Variants in CACNA2D4 observed in about 807,000 individuals in gnomAD.
The protein encoded by CACNA2D4 is voltage-dependent calcium channel subunit alpha-2/delta-4.
In CACNA2D4, 157 loss-of-function variants were observed where a neutral mutation model predicts 163.8. The ratio of observed to expected loss-of-function variants is 0.96; its 90% confidence interval spans 0.84 to 1.09. CACNA2D4 has a LOEUF of 1.09. Ranked by LOEUF, CACNA2D4 falls within the 50% of genes least tolerant of loss-of-function variation. CACNA2D4 has a pLI of 0.00. For missense variants in CACNA2D4, 1,410 were observed against 1,479.9 expected (o/e 0.95, Z 0.78); for synonymous variants, 598 against 586.9 (o/e 1.02, Z -0.27).
rs115192664 is a variant in CACNA2D4, at chr12:1,799,642, G to T, written c.2995+33C>A. 6.4e-7 allele frequency: 1 copy of T among 1,560,078 alleles called. No individual in the cohort carries two copies. On this transcript the variant is annotated intron_variant, in intron 34 of 37. Coordinates refer to ENST00000382722, the MANE Select transcript of CACNA2D4 (RefSeq NM_172364.5). This position sits in a 1 kb window ranked among gnomAD's most constrained non-coding sequence, Gnocchi z 4.7. The stretch of plus-strand genomic sequence containing the variant: ...GCTCCTGCTGCGTCCCCAACCCACC[G>T]CCAGCAGGGATGGCCTCAGCTGGGC...
chr12:1,858,463 C>T (rs1284795093), intron 20 of CACNA2D4, 114 bp downstream of exon 20: 9 of 881,490 alleles, frequency 1.0e-5, no homozygotes, highest in Non-Finnish European at 1.5e-5. Flanking sequence ...GCTCTGGAGC[C>T]TGGGAGCTGG....
At chr12:1,807,044 T>A (rs996112099) in intron 29 of CACNA2D4, among the ~76,000 whole-genome samples, 4 of 151,942 alleles carry the variant, frequency 2.6e-5, no homozygotes, top group African/African-American at 9.7e-5. Context: ...TGTAAGCCCC[T>A]CCTCTTGAGT....
rs1437259121 is a variant in CACNA2D4, at chr12:1,792,130, CA to C, written c.*1524del. 2.0e-5 allele frequency: 3 copies of C among 152,232 alleles called. No individual in the cohort carries two copies. The highest frequency in any genetic ancestry group is 4.4e-5 in the Non-Finnish European group (3 of 68,040). 9.4% of individuals were successfully genotyped at this position (152,232 alleles called of 1,614,324 possible). On this transcript the variant is annotated 3_prime_UTR_variant, in exon 38 of 38. Transcript: ENST00000382722. ...TGGGACTAATGATAGTACCCACTTT[CA>C]GGGGGCTGTTGTGAGGATGGAATGA...
intron 6 of CACNA2D4, among the ~76,000 whole-genome samples, chr12:1,900,082 T>C (rs1247242081): frequency 6.6e-6 from 1 of 152,160 alleles, no homozygotes; most frequent in Non-Finnish European, 1.5e-5. Flanking sequence ...ATCAGGGAAA[T>C]GCAATGCTAG....
chr12:1,816,254 A>T (rs1468256846), intron 26 of CACNA2D4, among the ~76,000 whole-genome samples: 3 of 152,238 alleles, frequency 2.0e-5, no homozygotes, highest in Non-Finnish European at 4.4e-5. Context: ...CTTTCGGTGA[A>T]GAGAAATTCA....
intron 23 of CACNA2D4, among the ~76,000 whole-genome samples, chr12:1,847,869 T>TA (rs35037693): frequency 0.89 from 134,998 of 152,160 alleles, 59,981 homozygotes; most frequent in East Asian, 1. Context: ...AAATAACATT[T>TA]AAAAAAACTT....
chr12:1,906,656 A>G lies in CACNA2D4; in HGVS notation c.781+784T>C, dbSNP rs780493631. ...GGGCACGTGAACTGCTGCATGGAAG[A>G]AGGATAAACCTATTCATTGAAGCTC... On this transcript the variant is annotated intron_variant, in intron 6 of 37. Transcript: ENST00000382722. 9.1e-4 allele frequency among the ~76,000 whole-genome samples: 138 copies of G among 152,348 alleles called. 3 individuals are homozygous for G. In the Middle Eastern group the frequency reaches 0.051, roughly 56 times the overall value.
chr12:1,896,606 A>AACAC (rs61535168), intron 6 of CACNA2D4, among the ~76,000 whole-genome samples: 3,285 of 130,622 alleles, frequency 0.025, 60 homozygotes, highest in Middle Eastern at 0.049. Context: ...GCTATTAATA[A>AACAC]ACACACACAC....
rs77175207 is a variant in CACNA2D4, at chr12:1,856,055, C to G, written c.2109G>C (p.Glu703Asp). ...DPDHRKLSQLEAMIRFLTRKD... is the reference protein window; with the variant it reads ...DPDHRKLSQLDAMIRFLTRKD... ...TCCTGGTGAGGAAGCGGATCATGGC[C>G]TCTAGCTGGCTGAGCTTCCGGTGGT... Residue 703 changes from glutamate to aspartate, a missense_variant, in exon 22 of 38, where the codon GAG (glutamate) becomes GAC (aspartate). By Grantham distance (45) the Glu-to-Asp change is conservative. Coordinates refer to ENST00000382722, the MANE Select transcript of CACNA2D4 (RefSeq NM_172364.5). 1.3e-3 allele frequency: 2,032 copies of G among 1,614,034 alleles called. 16 individuals are homozygous for G. The African/African-American group carries it at 0.024, about 19-fold the overall frequency.
In CACNA2D4 at chr12:1,874,634, C is replaced by T. The variant is rs370532354; in HGVS notation, c.1848G>A (p.Ser616=). The change falls in exon 18 of 38, where the codon TCG becomes TCA. Residue 616 remains serine, a synonymous_variant. Coordinates refer to ENST00000382722, the MANE Select transcript of CACNA2D4 (RefSeq NM_172364.5). The surrounding 1 kb of genome is among the most constrained non-coding windows in gnomAD (Gnocchi z 4.4). ...AMINRETGTL[S]MDVKVPMDKG... ...TATCCATCGGAACCTTCACATCCAT[C>T]GAGAGAGTACCTGTTTCCCTATTGA... 1.5e-5 allele frequency: 24 copies of T among 1,613,182 alleles called. No homozygotes were observed. The highest frequency in any genetic ancestry group is 1.6e-4 in the Middle Eastern group (1 of 6,084).
intron 35 of CACNA2D4, among the ~76,000 whole-genome samples, chr12:1,796,116 C>T (rs1375932255): frequency 6.6e-6 from 1 of 152,228 alleles, no homozygotes; most frequent in East Asian, 1.9e-4. Context: ...AATGGGCGGG[C>T]GAGGCAACAC....
intron 29 of CACNA2D4, 57 bp from the exon 30 acceptor site, chr12:1,801,701 C>T (rs967603664): frequency 1.2e-5 from 15 of 1,212,720 alleles, no homozygotes; most frequent in African/African-American, 9.1e-5. Context: ...CAGGATGGAG[C>T]CTTCCGAGTC....
chr12:1,912,237 C>T (rs935697986), intron 3 of CACNA2D4, among the ~76,000 whole-genome samples: 6 of 152,212 alleles, frequency 3.9e-5, no homozygotes, highest in East Asian at 1.9e-4. Context: ...GCTGGTCTTA[C>T]GAGTCCTTTC....
At chr12:1,912,896 G>T (rs1230013220) in intron 3 of CACNA2D4, 127 bp downstream of exon 3, 1 of 633,838 alleles carries the variant, frequency 1.6e-6, no homozygotes, top group East Asian at 2.7e-5. Context: ...GTACAAGGCG[G>T]AATCTTGTAA....
chr12:1,881,877 G>C (rs1375189791), intron 13 of CACNA2D4, among the ~76,000 whole-genome samples: 1 of 152,258 alleles, frequency 6.6e-6, no homozygotes, highest in African/African-American at 2.4e-5. Flanking sequence ...CTATTAACAG[G>C]TGGAGGTAAG....
rs1299612269 is a variant in CACNA2D4 at position 1,799,635 on chromosome 12, A to G, written c.2995+40T>C. 1.1e-5 allele frequency: 17 copies of G among 1,557,682 alleles called. No homozygotes were observed. The highest frequency in any genetic ancestry group is 1.4e-5 in the African/African-American group (1 of 73,348). On this transcript the variant is annotated intron_variant, in intron 34 of 37. Transcript: ENST00000382722. This position sits in a 1 kb window ranked among gnomAD's most constrained non-coding sequence, Gnocchi z 4.7. ...CTTTGTAGCTCCTGCTGCGTCCCCA[A>G]CCCACCGCCAGCAGGGATGGCCTCA...
chr12:1,865,136 G>GGGGAGAA (rs1270567543), intron 18 of CACNA2D4, among the ~76,000 whole-genome samples: 1 of 152,224 alleles, frequency 6.6e-6, no homozygotes, highest in African/African-American at 2.4e-5. Context: ...TGGCCACGGA[G>GGGGAGAA]GGGAGAAGGG....
At chr12:1,810,163 C>T (rs577870888) in intron 29 of CACNA2D4, 115 bp downstream of exon 29, 143 of 814,538 alleles carry the variant, frequency 1.8e-4, no homozygotes, top group South Asian at 1.6e-5. Context: ...CTGAATTGGC[C>T]CCGAACAGGG....
chr12:1,846,974 G>A (rs544639012), intron 23 of CACNA2D4, among the ~76,000 whole-genome samples: 1 of 152,330 alleles, frequency 6.6e-6, no homozygotes, highest in South Asian at 2.1e-4. Context: ...TGTTCTCCTG[G>A]CTTTTGGGGA....
Sources: gnomAD v4.1 joint callset for allele counts (sites outside exome capture counted in the v4.1 genomes callset) on GRCh38, gnomAD v4.1.1 for gene constraint, Gnocchi (gnomAD v3.1) non-coding constraint, MANE v1.5 for transcripts, NCBI Gene and HGNC (gene_info 2026-07-23, HGNC 2026-07-21) for gene names.